The following ATF2 variants were observed in gnomAD, a reference collection of about 807,000 sequenced individuals.
The protein encoded by ATF2 is activating transcription factor 2.
A neutral mutation model predicts 60.6 loss-of-function variants in ATF2; 24 were observed. That is an observed-to-expected ratio of 0.40 (90% CI 0.29 to 0.56). The LOEUF (loss-of-function observed/expected upper bound fraction) is 0.56, where lower values mean the gene tolerates loss of function less well. ATF2 is among the 20% of genes least tolerant of loss of function. ATF2 has a pLI of 0.54. For synonymous variants in ATF2, 206 were observed against 215.4 expected (o/e 0.96, Z 0.38); for missense variants, 433 against 607.7 (o/e 0.71, Z 3.02).
intron 10 of ATF2, among the ~76,000 whole-genome samples, chr2:175,107,241 G>A (rs931280540): frequency 6.6e-6 from 1 of 152,176 alleles, no homozygotes; most frequent in African/African-American, 2.4e-5. Context: ...CTGCTAAACA[G>A]CTCTAGAATG....
intron 10 of ATF2, among the ~76,000 whole-genome samples, chr2:175,106,168 C>G (rs1695649067): frequency 6.6e-6 from 1 of 152,104 alleles, no homozygotes; most frequent in African/African-American, 2.4e-5. Flanking sequence ...AAGCTACACA[C>G]TAAAAGAAAA....
chr2:175,152,530 C>T (rs1439524899), intron 1 of ATF2, among the ~76,000 whole-genome samples: 1 of 152,174 alleles, frequency 6.6e-6, no homozygotes, highest in Non-Finnish European at 1.5e-5. Context: ...AAGAGAAAGA[C>T]ACTTTTCTCT....
At chr2:175,158,086 C>T (rs1035636586) in intron 1 of ATF2, among the ~76,000 whole-genome samples, 1 of 152,088 alleles carries the variant, frequency 6.6e-6, no homozygotes, top group African/African-American at 2.4e-5. Flanking sequence ...TGACTATCTT[C>T]ATACATTCCT....
intron 10 of ATF2, 49 bp downstream of exon 10, chr2:175,111,519 A>G: frequency 6.6e-7 from 1 of 1,505,680 alleles, no homozygotes; most frequent in Non-Finnish European, 9.2e-7. Flanking sequence ...GAAAACATTA[A>G]TTCAAAACAG....
At chr2:175,088,088 C>T (rs1369926862) in intron 12 of ATF2, among the ~76,000 whole-genome samples, 1 of 152,088 alleles carries the variant, frequency 6.6e-6, no homozygotes, top group Non-Finnish European at 1.5e-5. Context: ...ATTTCAGTTG[C>T]TTTTCATAAT....
chr2:175,139,174 T>C (rs1698332762), intron 2 of ATF2, among the ~76,000 whole-genome samples: 1 of 152,218 alleles, frequency 6.6e-6, no homozygotes, highest in South Asian at 2.1e-4. Context: ...TCTCTATTCA[T>C]CGTTGTATCT....
At chr2:175,090,108 CCT>C (rs552754736) in intron 12 of ATF2, among the ~76,000 whole-genome samples, 228 of 152,154 alleles carry the variant, frequency 1.5e-3, no homozygotes, top group African/African-American at 5.2e-3. Flanking sequence ...CAACTACCAC[CCT>C]CTGTCTAGTA....
chr2:175,164,506 C>G (rs1384275272), intron 1 of ATF2, among the ~76,000 whole-genome samples: 1 of 152,068 alleles, frequency 6.6e-6, no homozygotes, highest in Non-Finnish European at 1.5e-5. Context: ...TGCACTCCAG[C>G]GTGGAAGCCA....
chr2:175,136,020 T>G (rs1397953682), intron 3 of ATF2, among the ~76,000 whole-genome samples: 1 of 150,330 alleles, frequency 6.7e-6, no homozygotes, highest in African/African-American at 2.4e-5. Context: ...TCTTTGTTTT[T>G]TTTTTTTTTT....
At position 175,088,272 on chromosome 2, in the gene ATF2, G is replaced by A. The variant is rs115297272; in HGVS notation, c.1185+4789C>T. On this transcript the variant is annotated intron_variant, in intron 12 of 13. Transcript: ENST00000264110. ...ATAGTTAAAAACTCAGTGGAAAAACGTGGAAGATAGATCATAGAATTCAGA... is the reference window on the plus strand; with the variant it reads ...ATAGTTAAAAACTCAGTGGAAAAACATGGAAGATAGATCATAGAATTCAGA... Among the ~76,000 whole-genome samples the A allele has an allele frequency of 2.7e-3, 408 of 152,168 alleles. 2 individuals are homozygous for A. Among genetic ancestry groups the A allele is most frequent in the African/African-American group, 8.6e-3 (355 of 41,518 alleles).
intron 2 of ATF2, among the ~76,000 whole-genome samples, chr2:175,144,170 G>T (rs562604428): frequency 1.1e-4 from 17 of 152,180 alleles, no homozygotes; most frequent in Non-Finnish European, 1.5e-4. Context: ...TTTTTCTTAT[G>T]ACATGGATTT....
intron 1 of ATF2, among the ~76,000 whole-genome samples, chr2:175,164,789 G>T (rs567306155): frequency 6.6e-6 from 1 of 152,332 alleles, no homozygotes; most frequent in African/African-American, 2.4e-5. Context: ...AGGAACAGGT[G>T]TGAGTATGAG....
intron 12 of ATF2, among the ~76,000 whole-genome samples, chr2:175,083,542 T>C (rs1194474706): frequency 6.6e-6 from 1 of 152,152 alleles, no homozygotes; most frequent in Admixed American, 6.5e-5. Context: ...ATAAAAACCC[T>C]AGAAGAAAAC....
chr2:175,112,008 A>C (rs1696230057), intron 9 of ATF2, among the ~76,000 whole-genome samples: 1 of 152,248 alleles, frequency 6.6e-6, no homozygotes, highest in South Asian at 2.1e-4. Context: ...TGTGACACTT[A>C]GGCATAAAAA....
At chr2:175,096,611 T>C (rs556488077) in intron 11 of ATF2, among the ~76,000 whole-genome samples, 29 of 152,152 alleles carry the variant, frequency 1.9e-4, no homozygotes, top group Admixed American at 3.3e-4. Flanking sequence ...ATCTGCCTCT[T>C]TGGGACATAC....
chr2:175,116,280 A>C (rs1696565901), intron 7 of ATF2, among the ~76,000 whole-genome samples: 1 of 152,136 alleles, frequency 6.6e-6, no homozygotes, highest in East Asian at 1.9e-4. Context: ...GTGTCACTGA[A>C]CACAGACATA....
intron 10 of ATF2, among the ~76,000 whole-genome samples, chr2:175,101,173 T>C (rs1025058314): frequency 3.3e-5 from 5 of 152,106 alleles, no homozygotes; most frequent in African/African-American, 7.2e-5. Context: ...AGGACCCTAA[T>C]TGATGGGATA....
chr2:175,130,228 CT>C, intron 3 of ATF2, 21 bp from the exon 4 acceptor site: 1 of 1,404,620 alleles, frequency 7.1e-7, no homozygotes, highest in Non-Finnish European at 9.6e-7. Flanking sequence ...ACAGAAGACA[CT>C]TTAGAGTACA....
chr2:175,110,491 T>C (rs62184468), intron 10 of ATF2, among the ~76,000 whole-genome samples: 5,828 of 152,324 alleles, frequency 0.038, 131 homozygotes, highest in Admixed American at 0.094. Context: ...TTAATTGCTG[T>C]TGTTAGCCCT....
Sources: allele counts gnomAD v4.1 joint callset (sites outside exome capture counted in the v4.1 genomes callset), GRCh38; gene constraint gnomAD v4.1.1; transcripts MANE v1.5; gene names NCBI Gene and HGNC (gene_info 2026-07-23, HGNC 2026-07-21).